The following NME7 variants were observed in gnomAD, a reference collection of about 807,000 sequenced individuals.
NME7 encodes NME/NM23 family member 7.
A neutral mutation model predicts 49.1 loss-of-function variants in NME7; 41 were observed. The ratio of observed to expected loss-of-function variants is 0.83; its 90% CI spans 0.65 to 1.08. The LOEUF (loss-of-function observed/expected upper bound fraction) is 1.08, where lower values mean the gene tolerates loss of function less well. Ranked by LOEUF, NME7 falls within the 50% of genes least tolerant of loss-of-function variation. The pLI is 0.00. For missense variants in NME7, 423 were observed against 463.4 expected, an observed-to-expected ratio of 0.91 and a Z score of 0.80; for synonymous variants, 139 against 150.6, an observed-to-expected ratio of 0.92 and a Z score of 0.56.
At chr1:169,196,222 C>T (rs952818325) in intron 10 of NME7, among the ~76,000 whole-genome samples, 1 of 152,158 alleles carries the variant, frequency 6.6e-6, no homozygotes, top group Admixed American at 6.5e-5. Context: ...ATTCTTCATG[C>T]TATTCTTAAC....
intron 1 of NME7, among the ~76,000 whole-genome samples, chr1:169,340,356 T>C (rs575465591): frequency 1.3e-5 from 2 of 152,332 alleles, no homozygotes; most frequent in East Asian, 3.9e-4. Flanking sequence ...ACTGCCATGA[T>C]TGTTAACTTT....
chr1:169,170,957 T>C lies in NME7; in HGVS notation c.991-1403A>G, dbSNP rs183131939. On this transcript the variant is annotated intron_variant, in intron 10 of 11. Coordinates refer to ENST00000367811, the MANE Select transcript of NME7 (RefSeq NM_013330.5). The stretch of plus-strand genomic sequence containing the variant: ...AAGCAGAAGCCTTACTCTGCTTATA[T>C]AGTGGGAAGCTGTCATTTTGTGACA... Among the ~76,000 whole-genome samples, 244 of 152,106 alleles carry C rather than the reference T, an allele frequency of 1.6e-3. 2 individuals are homozygous for C. Among genetic ancestry groups the C allele is most frequent in the African/African-American group, 5.5e-3 (229 of 41,494 alleles).
intron 11 of NME7, among the ~76,000 whole-genome samples, chr1:169,134,735 GT>G (rs1186838555): frequency 6.6e-6 from 1 of 151,940 alleles, no homozygotes; most frequent in Non-Finnish European, 1.5e-5. Flanking sequence ...AAAACAAGTA[GT>G]TTTCCATTTA....
chr1:169,338,759 A>T (rs557714479), intron 1 of NME7, among the ~76,000 whole-genome samples: 2 of 152,336 alleles, frequency 1.3e-5, no homozygotes, highest in African/African-American at 4.8e-5. Flanking sequence ...TGTTACTTGG[A>T]ATTTGATTTT....
intron 3 of NME7, among the ~76,000 whole-genome samples, chr1:169,314,471 C>A (rs991583653): frequency 2.6e-5 from 4 of 151,908 alleles, no homozygotes; most frequent in African/African-American, 9.7e-5. Context: ...AAAAAATCCT[C>A]AAGCAATCCG....
chr1:169,310,099 T>A lies in NME7; in HGVS notation c.279-19A>T, dbSNP rs140285315. On this transcript the variant is annotated intron_variant, in intron 3 of 11. Transcript: ENST00000367811. ...TAGCGTTCTATAAGGAAACAAAAAA[T>A]AAGTTTGCAAATAAAAATAGTTCAA... 214 of 1,460,868 alleles carry A rather than the reference T, an allele frequency of 1.5e-4. No homozygotes were observed. The African/African-American group carries it at 2.9e-3, about 20-fold the overall frequency. The allele number at this position is 1,460,868 out of a possible 1,614,324, so 90.5% of individuals were successfully genotyped here. A position where few individuals can be genotyped will look rare whatever the true frequency, so the allele number is the denominator to read the frequency against.
chr1:169,195,272 C>T (rs1321819841), intron 10 of NME7, among the ~76,000 whole-genome samples: 2 of 152,156 alleles, frequency 1.3e-5, no homozygotes, highest in Non-Finnish European at 2.9e-5. Context: ...GTCACCCAGG[C>T]ACAATCATAG....
chr1:169,248,548 T>C (rs1273459966), intron 7 of NME7, among the ~76,000 whole-genome samples: 1 of 152,138 alleles, frequency 6.6e-6, no homozygotes, highest in Non-Finnish European at 1.5e-5. Context: ...CACGAATTAT[T>C]TGCCTAAGCC....
At position 169,194,926 on chromosome 1, in the gene NME7, G is replaced by A. The variant is rs181032695; in HGVS notation, c.991-25372C>T. On this transcript the variant is annotated intron_variant, in intron 10 of 11. Transcript: ENST00000367811. ...TGGAATATTATACAACTAATCTTTT[G>A]AGGTTGGTGTTTAGAATGTTACCAC... Among the ~76,000 whole-genome samples the A allele has an allele frequency of 2.0e-5, 3 of 152,228 alleles. No homozygotes were observed. In the East Asian group the frequency reaches 5.8e-4, roughly 29 times the overall value.
chr1:169,253,779 T>C (rs1252320768), intron 7 of NME7, among the ~76,000 whole-genome samples: 1 of 152,062 alleles, frequency 6.6e-6, no homozygotes, highest in Admixed American at 6.6e-5. Context: ...TAAAGGGTTG[T>C]TGAATTTTGT....
intron 10 of NME7, among the ~76,000 whole-genome samples, chr1:169,217,120 AG>A (rs1660993714): frequency 6.6e-6 from 1 of 152,248 alleles, no homozygotes; most frequent in Non-Finnish European, 1.5e-5. Flanking sequence ...ATAATAAACC[AG>A]AGAGAAATAT....
At chr1:169,273,065 T>A (rs1328154088) in intron 7 of NME7, among the ~76,000 whole-genome samples, 4 of 134,334 alleles carry the variant, frequency 3.0e-5, no homozygotes, top group African/African-American at 7.6e-5. Flanking sequence ...GAGCTTTTTT[T>A]AAAATTATTA....
At chr1:169,242,923 G>A (rs1050159352) in intron 7 of NME7, among the ~76,000 whole-genome samples, 12 of 151,952 alleles carry the variant, frequency 7.9e-5, no homozygotes, top group Non-Finnish European at 1.0e-4. Flanking sequence ...TAAATGAAGA[G>A]CATACAGTGT....
chr1:169,350,226 G>T (rs1653105799), intron 1 of NME7, among the ~76,000 whole-genome samples: 1 of 136,844 alleles, frequency 7.3e-6, no homozygotes, highest in African/African-American at 2.8e-5. Flanking sequence ...AGGGAGAAAA[G>T]AAAGAAAGAA....
At chr1:169,366,806 A>G (rs1653878732) in intron 1 of NME7, among the ~76,000 whole-genome samples, 1 of 152,198 alleles carries the variant, frequency 6.6e-6, no homozygotes, top group South Asian at 2.1e-4. Context: ...GTCTTCACAG[A>G]GAATGGGTCA....
At chr1:169,345,595 A>G (rs61806987) in intron 1 of NME7, among the ~76,000 whole-genome samples, 52,037 of 151,942 alleles carry the variant, frequency 0.34, 10,394 homozygotes, top group Non-Finnish European at 0.45. Context: ...CTTCTATTCC[A>G]GTACAGGCAT....
intron 11 of NME7, among the ~76,000 whole-genome samples, chr1:169,154,671 AC>A (rs1168349867): frequency 1.3e-5 from 2 of 151,776 alleles, no homozygotes; most frequent in African/African-American, 2.4e-5. Context: ...GGTGGCGTGC[AC>A]CTGCAGTCCC....
At chr1:169,361,597 TG>T (rs1350644848) in intron 1 of NME7, among the ~76,000 whole-genome samples, 1 of 152,054 alleles carries the variant, frequency 6.6e-6, no homozygotes, top group African/African-American at 2.4e-5. Context: ...CTGGCCAAAA[TG>T]GCGAAACCCC....
chr1:169,253,434 G>C (rs1184554868), intron 7 of NME7, among the ~76,000 whole-genome samples: 5 of 151,772 alleles, frequency 3.3e-5, no homozygotes, highest in African/African-American at 1.2e-4. Flanking sequence ...CTTTGCTGAA[G>C]TTGCTTATCA....
Sources: allele counts gnomAD v4.1 joint callset (sites outside exome capture counted in the v4.1 genomes callset), GRCh38; gene constraint gnomAD v4.1.1; transcripts MANE v1.5; gene names NCBI Gene and HGNC (gene_info 2026-07-23, HGNC 2026-07-21).